The following CCDC60 variants were observed in gnomAD, a reference collection of about 807,000 sequenced individuals.
CCDC60 encodes coiled-coil domain containing 60, also known as coiled-coil domain-containing protein 60.
CCDC60 carries 54 observed loss-of-function variants against 63.5 expected under a neutral mutation model. That is an observed-to-expected ratio of 0.85 (90% CI 0.68 to 1.07). The LOEUF (loss-of-function observed/expected upper bound fraction) is 1.07, where lower values mean the gene tolerates loss of function less well. Among genes scored for constraint, CCDC60 ranks in the 50% least tolerant of loss-of-function variants. CCDC60 has a pLI of 0.00. For synonymous variants in CCDC60, 206 were observed against 238.8 expected (o/e 0.86, Z 1.27); for missense variants, 651 against 684.3 (o/e 0.95, Z 0.54).
intron 2 of CCDC60, among the ~76,000 whole-genome samples, chr12:119,455,937 AAGAGAG>A (rs146576566): frequency 1.6e-4 from 20 of 125,450 alleles, no homozygotes. Context: ...AAGAAAGAGA[AAGAGAG>A]AGAAAGGAAG....
chr12:119,426,490 G>A (rs1038918870), intron 1 of CCDC60, among the ~76,000 whole-genome samples: 1 of 151,960 alleles, frequency 6.6e-6, no homozygotes, highest in Non-Finnish European at 1.5e-5. Context: ...TGAGCAGCTG[G>A]GATTACAGGC....
intron 4 of CCDC60, among the ~76,000 whole-genome samples, chr12:119,484,042 C>A (rs993926709): frequency 6.6e-6 from 1 of 151,776 alleles, no homozygotes; most frequent in South Asian, 2.1e-4. Context: ...TCAGATGAAA[C>A]CCTATTCTGA....
At position 119,472,129 on chromosome 12, in the gene CCDC60, G is replaced by T. The variant is rs267603333; in HGVS notation, c.306G>T (p.Lys102Asn). The T allele has an allele frequency of 2.5e-6, 4 of 1,614,166 alleles. No homozygotes were observed. Among genetic ancestry groups the T allele is most frequent in the South Asian group, 2.2e-5 (2 of 91,082 alleles). The part of the protein sequence containing the change: ...EERNKFQPAE[K>N]ISEIHYGDTL... The stretch of plus-strand genomic sequence containing the variant: ...GAAATAAATTCCAGCCAGCCGAAAA[G>T]ATCTCAGAAATCCACTATGGGGACA... The change falls in exon 3 of 14, where the codon AAG (lysine) becomes AAT (asparagine). Residue 102 changes from lysine to asparagine, a missense_variant. Physicochemically the swap from Lys to Asn is moderately conservative, Grantham distance 94 (BLOSUM62 0). Transcript: ENST00000327554.
Position 119,410,785 on chromosome 12 carries a change from C to T in CCDC60, c.91-17898C>T, listed in dbSNP as rs1451919714. ...TGAGACAGAGTCTCGCTCTGTCACT[C>T]GGGCTGCAGTGCGGTGGCGCGATCT... is the stretch of plus-strand genomic sequence containing the variant. On this transcript the variant is annotated intron_variant, in intron 1 of 13. Coordinates refer to ENST00000327554, the MANE Select transcript of CCDC60 (RefSeq NM_178499.5). This position sits in a 1 kb window ranked among gnomAD's most constrained non-coding sequence, Gnocchi z 4.0. Among the ~76,000 whole-genome samples, 1 of 152,214 alleles carries T rather than the reference C, an allele frequency of 6.6e-6. No individual in the cohort carries two copies. The highest frequency in any genetic ancestry group is 1.5e-5 in the Non-Finnish European group (1 of 68,040).
At chr12:119,473,523 G>C (rs1314558250) in intron 3 of CCDC60, among the ~76,000 whole-genome samples, 2 of 152,068 alleles carry the variant, frequency 1.3e-5, no homozygotes, top group Non-Finnish European at 2.9e-5. Context: ...GTTCTCCAGT[G>C]GTGATTTCTG....
intron 5 of CCDC60, among the ~76,000 whole-genome samples, chr12:119,491,096 A>G (rs1286075871): frequency 6.6e-6 from 1 of 152,224 alleles, no homozygotes; most frequent in East Asian, 1.9e-4. Context: ...ATAGGATCAT[A>G]TCTGCATATT....
chr12:119,512,155 G>A (rs1346419795), intron 7 of CCDC60, among the ~76,000 whole-genome samples: 1 of 152,208 alleles, frequency 6.6e-6, no homozygotes, highest in African/African-American at 2.4e-5. Context: ...GTCTTGGGAA[G>A]CACTGGGCTT....
chr12:119,362,102 C>T (rs2136166878), intron 1 of CCDC60, among the ~76,000 whole-genome samples: 1 of 152,294 alleles, frequency 6.6e-6, no homozygotes, highest in Non-Finnish European at 1.5e-5. Flanking sequence ...TTTATTTAAA[C>T]ATCTATCTTA....
intron 11 of CCDC60, among the ~76,000 whole-genome samples, chr12:119,524,162 G>T (rs140201128): frequency 6.6e-5 from 10 of 152,252 alleles, no homozygotes; most frequent in African/African-American, 2.4e-4. Context: ...CCAGCAGTGT[G>T]ATGAGAAGGT....
chr12:119,345,126 A>G (rs1200554213), intron 1 of CCDC60, among the ~76,000 whole-genome samples: 3 of 152,164 alleles, frequency 2.0e-5, no homozygotes, highest in African/African-American at 7.2e-5. Flanking sequence ...TCAGACGTAC[A>G]ATTAAGACTT....
chr12:119,421,891 C>T (rs2136220486), intron 1 of CCDC60, among the ~76,000 whole-genome samples: 1 of 152,300 alleles, frequency 6.6e-6, no homozygotes, highest in African/African-American at 2.4e-5. Flanking sequence ...ACAGCCCCAG[C>T]ACATGAATAT....
chr12:119,384,152 TGCCACTACACTCCA>T (rs1956037223), intron 1 of CCDC60, among the ~76,000 whole-genome samples: 1 of 151,090 alleles, frequency 6.6e-6, no homozygotes, highest in Non-Finnish European at 1.5e-5. Flanking sequence ...GCTGACATCG[TGCCACTACACTCCA>T]GCCTAGGGGA....
At chr12:119,512,515 G>C (rs1198054879) in intron 7 of CCDC60, among the ~76,000 whole-genome samples, 1 of 152,240 alleles carries the variant, frequency 6.6e-6, no homozygotes, top group Non-Finnish European at 1.5e-5. Flanking sequence ...CAGAAGGACA[G>C]TGTGCTGCAG....
At chr12:119,450,368 C>T (rs1451817097) in intron 2 of CCDC60, among the ~76,000 whole-genome samples, 2 of 152,114 alleles carry the variant, frequency 1.3e-5, no homozygotes, top group African/African-American at 2.4e-5. Flanking sequence ...ATATGCAATA[C>T]ACCCATGTAA....
chr12:119,464,658 C>G lies in CCDC60; in HGVS notation c.171-7336C>G, dbSNP rs576406936. 3.3e-5 allele frequency among the ~76,000 whole-genome samples: 5 copies of G among 152,242 alleles called. No homozygotes were observed. The South Asian group carries it at 6.2e-4, about 19-fold the overall frequency. ...CCCTTTTGGAAATTAGCCACAAGAG[C>G]TGCCCACCATTAATGTTAAAATAGA... On this transcript the variant is annotated intron_variant, in intron 2 of 13. Transcript: ENST00000327554.
At chr12:119,527,666 C>CTTGTTTTTTTTT (rs1952718077) in intron 11 of CCDC60, among the ~76,000 whole-genome samples, 1 of 84,974 alleles carries the variant, frequency 1.2e-5, no homozygotes, top group Non-Finnish European at 2.1e-5. Flanking sequence ...TTCTTTCTTT[C>CTTGTTTTTTTTT]TTTTTTTTTT....
chr12:119,484,230 G>T (rs1951388055), intron 4 of CCDC60, among the ~76,000 whole-genome samples: 1 of 152,084 alleles, frequency 6.6e-6, no homozygotes, highest in South Asian at 2.1e-4. Context: ...GCAAAACGGG[G>T]ATAATAATAG....
intron 2 of CCDC60, among the ~76,000 whole-genome samples, chr12:119,462,502 C>A (rs1410410258): frequency 1.3e-5 from 2 of 152,106 alleles, no homozygotes; most frequent in African/African-American, 4.8e-5. Flanking sequence ...GCCTGTCTCA[C>A]TTTAAAAAAA....
At chr12:119,354,417 A>G (rs1035453434) in intron 1 of CCDC60, among the ~76,000 whole-genome samples, 5 of 152,198 alleles carry the variant, frequency 3.3e-5, no homozygotes, top group Non-Finnish European at 5.9e-5. Context: ...GATAAGATTG[A>G]TAACAGAGTG....
Sources: allele counts gnomAD v4.1 joint callset (sites outside exome capture counted in the v4.1 genomes callset), GRCh38; gene constraint gnomAD v4.1.1; non-coding constraint Gnocchi (gnomAD v3.1); transcripts MANE v1.5; gene names NCBI Gene and HGNC (gene_info 2026-07-23, HGNC 2026-07-21).